The following SEC14L4 variants were observed in gnomAD, a reference collection of about 807,000 sequenced individuals.
The protein encoded by SEC14L4 is SEC14-like protein 4.
A neutral mutation model predicts 55.1 loss-of-function variants in SEC14L4; 42 were observed. The ratio of observed to expected loss-of-function variants is 0.76; its 90% CI spans 0.60 to 0.99. The LOEUF (loss-of-function observed/expected upper bound fraction) is 0.99, where lower values mean the gene tolerates loss of function less well. SEC14L4 is among the 50% of genes least tolerant of loss of function. The pLI is 0.00. For missense variants in SEC14L4, 445 were observed against 512.1 expected, an observed-to-expected ratio of 0.87 and a Z score of 1.27; for synonymous variants, 206 against 206.8, an observed-to-expected ratio of 1.00 and a Z score of 0.03.
chr22:30,502,507 G>A (rs564903856), intron 2 of SEC14L4, among the ~76,000 whole-genome samples: 1 of 152,306 alleles, frequency 6.6e-6, no homozygotes, highest in Non-Finnish European at 1.5e-5. Flanking sequence ...ATTCCATGAG[G>A]TGTAATGAGT....
intron 2 of SEC14L4, among the ~76,000 whole-genome samples, chr22:30,501,360 T>C (rs1395665102): frequency 6.6e-6 from 1 of 152,082 alleles, no homozygotes; most frequent in East Asian, 1.9e-4. Context: ...GCAATCTCAC[T>C]CCTTTATCAA....
chr22:30,491,498 G>T, intron 11 of SEC14L4, 75 bp downstream of exon 11: 1 of 1,571,330 alleles, frequency 6.4e-7, no homozygotes, highest in Non-Finnish European at 8.7e-7. Context: ...CCACCCTCCC[G>T]AGAGCTGGAA....
chr22:30,499,502 C>A (rs1276918320), intron 2 of SEC14L4, among the ~76,000 whole-genome samples: 1 of 151,612 alleles, frequency 6.6e-6, no homozygotes, highest in Non-Finnish European at 1.5e-5. Flanking sequence ...CTTTCGGAGG[C>A]CAAGGCAGGC....
Position 30,490,132 on chromosome 22 carries a change from G to A in SEC14L4, c.1196C>T (p.Ala399Val), listed in dbSNP as rs148376799. The change falls in exon 12 of 12, where the codon GCG becomes GTG. Residue 399 changes from alanine to valine, a missense_variant. Physicochemically the swap from Ala to Val is moderately conservative, Grantham distance 64 (BLOSUM62 0). Coordinates refer to ENST00000255858, the MANE Select transcript of SEC14L4 (RefSeq NM_174977.4). The part of the protein sequence containing the change: ...ASEETLQSLK[A>V]MRPSPTQ ...TCACTGTGTTGGGGAGGGTCTCATC[G>A]CCTTGAGACTCTGCAGCGTCTCCTC... The A allele has an allele frequency of 4.8e-5, 78 of 1,614,076 alleles. No homozygotes were observed. The highest frequency in any genetic ancestry group is 4.0e-4 in the Admixed American group (24 of 60,018).
chr22:30,492,093 C>A lies in SEC14L4; in HGVS notation c.727G>T (p.Gly243Trp), dbSNP rs1935981093. The part of the protein sequence containing the change: ...SPDQLPVEFG[G>W]TMTDPDGNPK... ...TTGCCATCGGGGTCAGTCATGGTCC[C>A]CCCAAACTCCACAGGCAGCTGGTCG... The change falls in exon 9 of 12, where the codon GGG (glycine) becomes TGG (tryptophan). Residue 243 changes from glycine (G) to tryptophan (W), a missense_variant. Transcript: ENST00000255858. The A allele has an allele frequency of 6.2e-7, 1 of 1,613,916 alleles. No homozygotes were observed. Among genetic ancestry groups the A allele is most frequent in the Non-Finnish European group, 8.5e-7 (1 of 1,179,868 alleles).
At chr22:30,494,063 AAGAAG>A (rs1277696614) in intron 7 of SEC14L4, 82 bp downstream of exon 7, 1 of 992,176 alleles carries the variant, frequency 1.0e-6, no homozygotes, top group African/African-American at 1.6e-5. Context: ...AGGATGGGTG[AAGAAG>A]CCTTTAACTC....
chr22:30,500,175 G>T (rs1338922547), intron 2 of SEC14L4, among the ~76,000 whole-genome samples: 1 of 152,066 alleles, frequency 6.6e-6, no homozygotes, highest in African/African-American at 2.4e-5. Context: ...CGGCCAACTG[G>T]TATTAAAACT....
rs1315884351 is a variant in SEC14L4 at position 30,495,241 on chromosome 22, C to A, written c.423+13G>T. ...GTAGACAGATGAGGCCCAGCCCCAC[C>A]CCCGCTGCTCACCTTCTGAGTTTGC... On this transcript the variant is annotated intron_variant, in intron 5 of 11. Coordinates refer to ENST00000255858, the MANE Select transcript of SEC14L4 (RefSeq NM_174977.4). 2 of 1,592,438 alleles carry A rather than the reference C, an allele frequency of 1.3e-6. No homozygotes were observed. Among genetic ancestry groups the A allele is most frequent in the Non-Finnish European group, 1.7e-6 (2 of 1,169,872 alleles).
chr22:30,495,110 TTA>T (rs971265344), intron 5 of SEC14L4, 142 bp downstream of exon 5: 2 of 1,004,646 alleles, frequency 2.0e-6, no homozygotes, highest in African/African-American at 3.2e-5. Context: ...CACCTCACTT[TTA>T]CGGGTGGGTA....
intron 2 of SEC14L4, among the ~76,000 whole-genome samples, chr22:30,500,707 T>C (rs1936290806): frequency 6.7e-6 from 1 of 149,022 alleles, no homozygotes; most frequent in Non-Finnish European, 1.5e-5. Flanking sequence ...TGGTTTCTTA[T>C]CCTATAAACA....
At chr22:30,503,232 C>A (rs531404403) in intron 2 of SEC14L4, among the ~76,000 whole-genome samples, 1 of 152,002 alleles carries the variant, frequency 6.6e-6, no homozygotes, top group Admixed American at 6.6e-5. Context: ...CTAGTCAGAG[C>A]AGGCTGATTC....
At chr22:30,495,692 C>G (rs775517785) in intron 3 of SEC14L4, 50 bp from the exon 4 acceptor site, 4 of 1,612,980 alleles carry the variant, frequency 2.5e-6, no homozygotes, top group Non-Finnish European at 3.4e-6. Flanking sequence ...CCTGGGGACA[C>G]CAGGCTAGGT....
rs574782585 is a variant in SEC14L4 at position 30,489,158 on chromosome 22, T to C, written c.*949A>G. ...GTCGTTACCCACTCAACTGGAAGGCTGAGCATGGCTTTTTCCTCTGATGGT... is the reference window on the plus strand; with the variant it reads ...GTCGTTACCCACTCAACTGGAAGGCCGAGCATGGCTTTTTCCTCTGATGGT... On this transcript the variant is annotated 3_prime_UTR_variant, in exon 12 of 12. Coordinates refer to ENST00000255858, the MANE Select transcript of SEC14L4 (RefSeq NM_174977.4). 71 of 153,000 alleles carry C rather than the reference T, an allele frequency of 4.6e-4. No homozygotes were observed. Among genetic ancestry groups the C allele is most frequent in the African/African-American group, 1.5e-3 (64 of 41,556 alleles). 9.5% of individuals were successfully genotyped at this position (153,000 alleles called of 1,614,324 possible). A position where few individuals can be genotyped will look rare whatever the true frequency, so the allele number is the denominator to read the frequency against.
intron 1 of SEC14L4, 106 bp from the exon 2 acceptor site, chr22:30,503,858 A>T: frequency 1.2e-6 from 1 of 811,058 alleles, no homozygotes; most frequent in Non-Finnish European, 2.0e-6. Flanking sequence ...CTCCACCAGA[A>T]GACCATGCAG....
intron 2 of SEC14L4, among the ~76,000 whole-genome samples, chr22:30,500,501 G>T (rs1201345198): frequency 6.6e-6 from 1 of 151,936 alleles, no homozygotes; most frequent in Non-Finnish European, 1.5e-5. Flanking sequence ...CGAATAGCTG[G>T]AACTACAAGC....
intron 1 of SEC14L4, 46 bp from the exon 2 acceptor site, chr22:30,503,798 G>A (rs201774086): frequency 1.1e-5 from 17 of 1,526,170 alleles, no homozygotes; most frequent in Admixed American, 5.1e-5. Context: ...TCATGACCTC[G>A]GGGGCCACCA....
intron 2 of SEC14L4, among the ~76,000 whole-genome samples, chr22:30,501,532 TAGAA>T (rs1373496963): frequency 2.6e-5 from 4 of 151,896 alleles, no homozygotes; most frequent in African/African-American, 9.7e-5. Flanking sequence ...CAAAAACAAA[TAGAA>T]AGTGCCACAG....
Position 30,505,632 on chromosome 22 carries a change from G to A in SEC14L4, c.-21C>T. On this transcript the variant is annotated 5_prime_UTR_variant, in exon 1 of 12. Transcript: ENST00000255858. ...CTCATGGTGCCCGCGGGCGCAGAAA[G>A]GCTCAGGGCGCAGGTCCGCCCGCCC... The A allele has an allele frequency of 1.3e-6, 2 of 1,542,318 alleles. No homozygotes were observed. The highest frequency in any genetic ancestry group is 1.2e-5 in the South Asian group (1 of 84,104).
At chr22:30,502,670 C>T (rs1336042807) in intron 2 of SEC14L4, among the ~76,000 whole-genome samples, 3 of 152,176 alleles carry the variant, frequency 2.0e-5, no homozygotes, top group Admixed American at 6.5e-5. Flanking sequence ...CTCACCTCAG[C>T]CTCCTGAGTA....
Sources: allele counts gnomAD v4.1 joint callset (sites outside exome capture counted in the v4.1 genomes callset), GRCh38; gene constraint gnomAD v4.1.1; transcripts MANE v1.5; gene names NCBI Gene and HGNC (gene_info 2026-07-23, HGNC 2026-07-21).